Variants in ANXA6 observed in about 807,000 individuals in gnomAD.
The protein encoded by ANXA6 is annexin A6.
ANXA6 carries 71 observed loss-of-function variants against 95.4 expected under a neutral mutation model. The ratio of observed to expected loss-of-function variants is 0.74; its 90% CI spans 0.61 to 0.91. ANXA6 has a LOEUF of 0.91. ANXA6 is among the 40% of genes least tolerant of loss of function. The probability of loss-of-function intolerance (pLI) is 0.00; values close to 1 mark genes in which losing one functional copy is unlikely to be tolerated. For missense variants in ANXA6, 830 were observed against 876.4 expected, an observed-to-expected ratio of 0.95 and a Z score of 0.67; for synonymous variants, 289 against 315.9, an observed-to-expected ratio of 0.91 and a Z score of 0.90.
At chr5:151,128,880 C>T (rs1017065440) in intron 12 of ANXA6, among the ~76,000 whole-genome samples, 4 of 149,118 alleles carry the variant, frequency 2.7e-5, no homozygotes, top group African/African-American at 9.9e-5. Context: ...CCTTTGGAAA[C>T]ATACTTTGGA....
chr5:151,147,186 C>T (rs1765995336), intron 2 of ANXA6, among the ~76,000 whole-genome samples: 2 of 152,204 alleles, frequency 1.3e-5, no homozygotes, highest in South Asian at 2.1e-4. Context: ...CCCGGCAGAA[C>T]AGTCAGACAT....
At chr5:151,111,745 C>T (rs990125636) in intron 20 of ANXA6, among the ~76,000 whole-genome samples, 1 of 150,332 alleles carries the variant, frequency 6.7e-6, no homozygotes, top group Non-Finnish European at 1.5e-5. Flanking sequence ...TGTGCCACCA[C>T]ATCCAGCTAA....
intron 3 of ANXA6, 120 bp downstream of exon 3, chr5:151,140,033 A>G (rs1048369547): frequency 5.6e-6 from 4 of 717,866 alleles, no homozygotes; most frequent in African/African-American, 1.8e-5. Context: ...AGAGGAGACC[A>G]AAAAAATGAA....
intron 8 of ANXA6, among the ~76,000 whole-genome samples, 172 bp downstream of exon 8, chr5:151,134,255 A>G (rs1440080032): frequency 3.3e-5 from 5 of 152,250 alleles, no homozygotes; most frequent in Admixed American, 2.6e-4. Flanking sequence ...CCTTTGAAAG[A>G]TAACTTATAT....
intron 1 of ANXA6, among the ~76,000 whole-genome samples, chr5:151,154,088 G>C (rs776226023): frequency 6.6e-6 from 1 of 151,976 alleles, no homozygotes; most frequent in Non-Finnish European, 1.5e-5. Context: ...ATAGCCAGGA[G>C]ATAAACTAGA....
intron 2 of ANXA6, among the ~76,000 whole-genome samples, chr5:151,145,167 G>A (rs955233308): frequency 1.8e-4 from 27 of 152,314 alleles, no homozygotes; most frequent in African/African-American, 6.0e-4. Context: ...GAGCAGCCGG[G>A]CCCTGGGGCT....
At chr5:151,144,526 C>T (rs933845541) in intron 2 of ANXA6, among the ~76,000 whole-genome samples, 9 of 152,120 alleles carry the variant, frequency 5.9e-5, no homozygotes, top group Non-Finnish European at 1.3e-4. Flanking sequence ...GGAAGGGATG[C>T]GGAGAAGAGG....
chr5:151,144,076 G>T (rs991695088), intron 2 of ANXA6, among the ~76,000 whole-genome samples: 20 of 152,178 alleles, frequency 1.3e-4, no homozygotes, highest in African/African-American at 4.6e-4. Flanking sequence ...GGCTGGAGAA[G>T]ATGATGGGGA....
chr5:151,151,000 C>A (rs1561587283), intron 1 of ANXA6: 1 of 152,246 alleles, frequency 6.6e-6, no homozygotes, highest in Non-Finnish European at 1.5e-5. Context: ...TCTGGAGGAG[C>A]TCCCCTTTCC....
At chr5:151,130,681 C>T (rs987186936) in intron 11 of ANXA6, among the ~76,000 whole-genome samples, 6 of 152,036 alleles carry the variant, frequency 3.9e-5, no homozygotes, top group African/African-American at 9.7e-5. Flanking sequence ...TTTGTCCTTT[C>T]GGAATGGCCA....
rs1764824136 is a variant in ANXA6, at chr5:151,110,657, AG to A, written c.1573-14del. On this transcript the variant is annotated splice_polypyrimidine_tract_variant and intron_variant, in intron 20 of 25. Coordinates refer to ENST00000354546, the MANE Select transcript of ANXA6 (RefSeq NM_001155.5). ...TCTCAGCAGCCACCTGAGAGCAGGG[AG>A]GGGAGAGAGGAGGGAGAGAAGGGAG... The A allele has an allele frequency of 1.9e-6, 3 of 1,612,946 alleles. No individual in the cohort carries two copies. Among genetic ancestry groups the A allele is most frequent in the Non-Finnish European group, 2.5e-6 (3 of 1,179,338 alleles).
intron 7 of ANXA6, among the ~76,000 whole-genome samples, chr5:151,135,511 T>G (rs1184932877): frequency 6.6e-6 from 1 of 152,234 alleles, no homozygotes; most frequent in Non-Finnish European, 1.5e-5. Context: ...TTAATTTATA[T>G]ATAAAGTTTC....
intron 1 of ANXA6, among the ~76,000 whole-genome samples, chr5:151,148,231 C>T (rs538038117): frequency 6.6e-6 from 1 of 152,156 alleles, no homozygotes; most frequent in Admixed American, 6.5e-5. Context: ...GTCTCAGCAC[C>T]GTCTCAGTTA....
chr5:151,101,637 C>T (rs981309945), intron 25 of ANXA6, 130 bp from the exon 26 acceptor site: 8 of 784,034 alleles, frequency 1.0e-5, no homozygotes, highest in Non-Finnish European at 1.8e-5. Context: ...TCCCATGCCA[C>T]ATGTAGGCTA....
At chr5:151,110,837 G>C (rs909939105) in intron 20 of ANXA6, among the ~76,000 whole-genome samples, 193 bp from the exon 21 acceptor site, 1 of 152,140 alleles carries the variant, frequency 6.6e-6, no homozygotes, top group Non-Finnish European at 1.5e-5. Flanking sequence ...ACCTTCCTAT[G>C]ACCTTTTGGG....
chr5:151,100,758 T>A lies in ANXA6; in HGVS notation c.*690A>T, dbSNP rs926018889. ...TTATTTCTTCCTTAGAAATAAAAAG[T>A]GTCAAGGGAATGAATCGGAGGCATA... On this transcript the variant is annotated 3_prime_UTR_variant, in exon 26 of 26. Transcript: ENST00000354546. 1 of 405,204 alleles carries A rather than the reference T, an allele frequency of 2.5e-6. No individual in the cohort carries two copies. The highest frequency in any genetic ancestry group is 4.9e-6 in the Non-Finnish European group (1 of 202,084). The allele number at this position is 405,204 out of a possible 1,614,324, so 25.1% of individuals were successfully genotyped here.
intron 20 of ANXA6, 119 bp from the exon 21 acceptor site, chr5:151,110,763 G>A: frequency 9.4e-7 from 1 of 1,061,064 alleles, no homozygotes; most frequent in Non-Finnish European, 1.4e-6. Context: ...GAGTGGGAGA[G>A]GTCCCAAGAG....
Position 151,126,442 on chromosome 5 carries a change from G to A in ANXA6, c.1016C>T (p.Ala339Val). 1 of 1,611,082 alleles carries A rather than the reference G, an allele frequency of 6.2e-7. No homozygotes were observed. The stretch of plus-strand genomic sequence containing the variant: ...TGCACTAAGTTCCCACATCTGATAG[G>A]CCACCTGCGCTGCCTCCGGGAAGAA... ...GQFFPEAAQV[A>V]YQMWELSAVA... The change falls in exon 14 of 26, where the codon GCC becomes GTC. Residue 339 changes from alanine to valine, a missense_variant. Coordinates refer to ENST00000354546, the MANE Select transcript of ANXA6 (RefSeq NM_001155.5).
rs968412561 is a variant in ANXA6 at position 151,122,414 on chromosome 5, A to G, written c.1234-154T>C. ...TGATGTTGTACTTATTATTTAGATG[A>G]AGCCAAAGAGGGTAGGGAAAAAACA... On this transcript the variant is annotated intron_variant, in intron 16 of 25. Transcript: ENST00000354546. Among the ~76,000 whole-genome samples, 11 of 152,164 alleles carry G rather than the reference A, an allele frequency of 7.2e-5. 1 individual carries two copies. Among genetic ancestry groups the G allele is most frequent in the Admixed American group, 6.5e-4 (10 of 15,272 alleles).
Sources: allele counts gnomAD v4.1 joint callset (sites outside exome capture counted in the v4.1 genomes callset), GRCh38; gene constraint gnomAD v4.1.1; transcripts MANE v1.5; gene names NCBI Gene and HGNC (gene_info 2026-07-23, HGNC 2026-07-21).